Variants in MAGI1 observed in about 807,000 individuals in gnomAD.
MAGI1 encodes the protein membrane associated guanylate kinase, WW and PDZ domain containing 1.
MAGI1 carries 58 observed loss-of-function variants against 139.9 expected under a neutral mutation model. The observed-to-expected ratio is 0.41, with a 90% CI of 0.34 to 0.52. MAGI1 has a LOEUF of 0.52. Among genes scored for constraint, MAGI1 ranks in the 20% least tolerant of loss-of-function variants. MAGI1 has a pLI of 0.12. For synonymous variants in MAGI1, 812 were observed against 737.9 expected (o/e 1.10, Z -1.63); for missense variants, 1,874 against 1,901.6 (o/e 0.99, Z 0.27).
intron 1 of MAGI1, among the ~76,000 whole-genome samples, chr3:65,857,651 C>A (rs2059415819): frequency 6.6e-6 from 1 of 152,100 alleles, no homozygotes; most frequent in Non-Finnish European, 1.5e-5. Flanking sequence ...AAGTATATTG[C>A]CCCTTGGAAG....
intron 1 of MAGI1, among the ~76,000 whole-genome samples, chr3:65,927,357 GCAC>G (rs2062577309): frequency 6.6e-6 from 1 of 152,070 alleles, no homozygotes; most frequent in South Asian, 2.1e-4. Flanking sequence ...AGACTCACAG[GCAC>G]CAAACTAACA....
intron 1 of MAGI1, among the ~76,000 whole-genome samples, chr3:65,861,719 G>A (rs1026326384): frequency 6.6e-6 from 1 of 151,680 alleles, no homozygotes; most frequent in Non-Finnish European, 1.5e-5. Context: ...GGGGCGCCGT[G>A]AAAAAAAAGA....
Position 65,442,843 on chromosome 3 carries a change from G to C in MAGI1, c.1085C>G (p.Pro362Arg). The change falls in exon 8 of 23, where the codon CCT (proline) becomes CGT (arginine). Residue 362 changes from proline (P) to arginine (R), a missense_variant. Around this residue, in one of 5 missense-constraint regions of MAGI1, gnomAD observed 648 missense variants for 598.1 expected, o/e 1.08. Transcript: ENST00000402939. Reference protein sequence around the residue: ...TEELDSELELPAGWEKIEDPV... With the variant: ...TEELDSELELRAGWEKIEDPV... ...GTCTTCAATCTTTTCCCAACCAGCA[G>C]GCAGTTCTGAAAAATAAAAGAACAT... 1 of 1,612,826 alleles carries C rather than the reference G, an allele frequency of 6.2e-7. No homozygotes were observed. Among genetic ancestry groups the C allele is most frequent in the Non-Finnish European group, 8.5e-7 (1 of 1,179,204 alleles).
rs995056914 is a variant in MAGI1 at position 65,944,877 on chromosome 3, C to T, written c.313+93119G>A. Among the ~76,000 whole-genome samples, 5 of 151,974 alleles carry T rather than the reference C, an allele frequency of 3.3e-5. No homozygotes were observed. The East Asian group carries it at 5.8e-4, about 18-fold the overall frequency. On this transcript the variant is annotated intron_variant, in intron 1 of 22. Coordinates refer to ENST00000402939, the MANE Select transcript of MAGI1 (RefSeq NM_001033057.2). ...TAATAAAGAGAGTGTCAATTTTGTCCGACAGCATTAAAATATAACAACCAG... is the reference window on the plus strand; with the variant it reads ...TAATAAAGAGAGTGTCAATTTTGTCTGACAGCATTAAAATATAACAACCAG...
chr3:65,990,965 TG>T (rs1309554407), intron 1 of MAGI1, among the ~76,000 whole-genome samples: 1 of 150,764 alleles, frequency 6.6e-6, no homozygotes, highest in Non-Finnish European at 1.5e-5. Context: ...CCAGCCTGGG[TG>T]ATGGAGTGAG....
intron 13 of MAGI1, among the ~76,000 whole-genome samples, chr3:65,397,166 T>G (rs544732741): frequency 6.6e-6 from 1 of 152,266 alleles, no homozygotes; most frequent in East Asian, 1.9e-4. Flanking sequence ...ATCATGCTGG[T>G]TGTCACACAA....
intron 1 of MAGI1, among the ~76,000 whole-genome samples, chr3:65,744,072 C>T (rs10510941): frequency 0.15 from 22,868 of 152,138 alleles, 1,930 homozygotes; most frequent in Non-Finnish European, 0.2. Flanking sequence ...TTGTTCATTA[C>T]ATTTCAAATC....
intron 1 of MAGI1, among the ~76,000 whole-genome samples, chr3:66,008,367 T>C (rs1001827117): frequency 1.1e-4 from 16 of 152,312 alleles, no homozygotes; most frequent in African/African-American, 3.8e-4. Flanking sequence ...CTACACCATC[T>C]GGTGAACCGA....
Position 65,836,973 on chromosome 3 carries a change from A to G in MAGI1, c.313+201023T>C, listed in dbSNP as rs577822472. ...TAATATAAATGGGAGGTGTTATAATAACAAGAATAATGCCACCATCTTACA... is the reference window on the plus strand; with the variant it reads ...TAATATAAATGGGAGGTGTTATAATGACAAGAATAATGCCACCATCTTACA... On this transcript the variant is annotated intron_variant, in intron 1 of 22. Coordinates refer to ENST00000402939, the MANE Select transcript of MAGI1 (RefSeq NM_001033057.2). Among the ~76,000 whole-genome samples, 120 of 152,286 alleles carry G rather than the reference A, an allele frequency of 7.9e-4. 1 individual carries two copies. In the South Asian group the frequency reaches 0.024, roughly 31 times the overall value.
chr3:65,608,240 G>C (rs2082855537), intron 2 of MAGI1, among the ~76,000 whole-genome samples: 1 of 152,156 alleles, frequency 6.6e-6, no homozygotes, highest in African/African-American at 2.4e-5. Flanking sequence ...TCAGGAGTTT[G>C]AGACCAACCT....
intron 2 of MAGI1, among the ~76,000 whole-genome samples, chr3:65,509,544 G>T (rs1000661402): frequency 6.6e-6 from 1 of 152,172 alleles, no homozygotes; most frequent in Non-Finnish European, 1.5e-5. Flanking sequence ...AAGGGGTGAC[G>T]GACGCACCTG....
At chr3:65,944,337 A>T (rs1189536710) in intron 1 of MAGI1, among the ~76,000 whole-genome samples, 4 of 151,930 alleles carry the variant, frequency 2.6e-5, no homozygotes, top group African/African-American at 9.7e-5. Context: ...ACATAGCGAG[A>T]CTCTATCTCT....
intron 1 of MAGI1, among the ~76,000 whole-genome samples, chr3:66,030,557 C>T (rs2068534702): frequency 6.6e-6 from 1 of 152,110 alleles, no homozygotes; most frequent in Non-Finnish European, 1.5e-5. Context: ...AGAGGGGGAA[C>T]AGGGAATGAC....
At chr3:65,704,119 T>C (rs1170138431) in intron 1 of MAGI1, among the ~76,000 whole-genome samples, 1 of 152,170 alleles carries the variant, frequency 6.6e-6, no homozygotes, top group Non-Finnish European at 1.5e-5. Flanking sequence ...TATTCCCTTT[T>C]ACTAATCCTC....
chr3:65,432,208 A>C (rs1947506736), intron 10 of MAGI1, among the ~76,000 whole-genome samples: 1 of 152,140 alleles, frequency 6.6e-6, no homozygotes, highest in African/African-American at 2.4e-5. Context: ...AGTAGACCTA[A>C]TTTCATGAGC....
chr3:65,671,450 C>T (rs12374102), intron 1 of MAGI1, among the ~76,000 whole-genome samples: 79,204 of 151,490 alleles, frequency 0.52, 21,980 homozygotes, highest in Non-Finnish European at 0.6. Flanking sequence ...TGGCCAAATG[C>T]CCCCTGCAAT....
chr3:65,703,352 T>C (rs996951144), intron 1 of MAGI1, among the ~76,000 whole-genome samples: 1 of 152,144 alleles, frequency 6.6e-6, no homozygotes, highest in African/African-American at 2.4e-5. Context: ...GCTAGCAAGA[T>C]TGCCCTGGAC....
chr3:65,839,994 T>G (rs538429151), intron 1 of MAGI1, among the ~76,000 whole-genome samples: 31 of 152,314 alleles, frequency 2.0e-4, no homozygotes, highest in Non-Finnish European at 3.1e-4. Context: ...TTTGTTAGAG[T>G]TATACCTAAG....
chr3:65,444,687 T>C (rs1391538861), intron 7 of MAGI1, among the ~76,000 whole-genome samples: 1 of 152,120 alleles, frequency 6.6e-6, no homozygotes, highest in African/African-American at 2.4e-5. Context: ...GGTATGTGCT[T>C]TGATGGAGGG....
Sources: allele counts gnomAD v4.1 joint callset (sites outside exome capture counted in the v4.1 genomes callset), GRCh38; gene constraint gnomAD v4.1.1; regional missense constraint gnomAD v4.1.1; transcripts MANE v1.5; gene names NCBI Gene and HGNC (gene_info 2026-07-23, HGNC 2026-07-21).